Variants in ASIC2 observed in about 807,000 individuals in gnomAD.
ASIC2 encodes the protein acid-sensing ion channel 2.
In ASIC2, 25 loss-of-function variants were observed where a neutral mutation model predicts 57.3. The ratio of observed to expected loss-of-function variants is 0.44; its 90% CI spans 0.32 to 0.61. The LOEUF (loss-of-function observed/expected upper bound fraction) is 0.61, where lower values mean the gene tolerates loss of function less well. Among genes scored for constraint, ASIC2 ranks in the 20% least tolerant of loss-of-function variants. The pLI is 0.06. For missense variants in ASIC2, 641 were observed against 738.1 expected (o/e 0.87, Z 1.52); for synonymous variants, 319 against 307.5 (o/e 1.04, Z -0.39).
intron 1 of ASIC2, among the ~76,000 whole-genome samples, chr17:33,740,739 C>T (rs1242604551): frequency 5.3e-5 from 8 of 152,140 alleles, no homozygotes; most frequent in African/African-American, 1.7e-4. Context: ...CCAAGAACAC[C>T]TTTAAATTAA....
At chr17:34,037,931 A>T in intron 1 of ASIC2, 1 of 1,613,860 alleles carries the variant, frequency 6.2e-7, no homozygotes, top group Non-Finnish European at 8.5e-7. Flanking sequence ...CTGATAGAAG[A>T]TCACACCCAC....
At chr17:33,527,052 C>G (rs757910293) in intron 1 of ASIC2, among the ~76,000 whole-genome samples, 7 of 152,216 alleles carry the variant, frequency 4.6e-5, no homozygotes, top group Non-Finnish European at 8.8e-5. Flanking sequence ...GAGCCCCCAT[C>G]TGCTACCTGT....
At chr17:34,124,986 C>T (rs972092075) in intron 1 of ASIC2, among the ~76,000 whole-genome samples, 8 of 149,676 alleles carry the variant, frequency 5.3e-5, no homozygotes, top group African/African-American at 1.8e-4. Context: ...TCCTGTTCAC[C>T]CACACATCAG....
chr17:34,048,803 G>A (rs181613171), intron 1 of ASIC2, among the ~76,000 whole-genome samples: 82 of 152,284 alleles, frequency 5.4e-4, no homozygotes, highest in Admixed American at 2.9e-3. Flanking sequence ...TGGTGCTGTC[G>A]TGGGAACTAT....
intron 6 of ASIC2, 94 bp downstream of exon 6, chr17:33,023,767 C>A: frequency 6.5e-7 from 1 of 1,534,994 alleles, no homozygotes; most frequent in Non-Finnish European, 8.9e-7. Context: ...TAACTTGAAC[C>A]AAATGCTTAT....
chr17:33,170,826 A>G (rs375564864), intron 1 of ASIC2, among the ~76,000 whole-genome samples: 1 of 152,172 alleles, frequency 6.6e-6, no homozygotes, highest in Non-Finnish European at 1.5e-5. Context: ...TATTCACTCT[A>G]CTTTTGCTGG....
chr17:33,825,307 C>T (rs890606628), intron 1 of ASIC2, among the ~76,000 whole-genome samples: 5 of 152,072 alleles, frequency 3.3e-5, no homozygotes, highest in Non-Finnish European at 7.4e-5. Flanking sequence ...AAGACCAAAG[C>T]AATAGGGTGA....
intron 1 of ASIC2, among the ~76,000 whole-genome samples, chr17:33,447,131 TTCGTGAGTTTAG>T (rs1192005839): frequency 6.6e-6 from 1 of 152,214 alleles, no homozygotes; most frequent in Non-Finnish European, 1.5e-5. Flanking sequence ...TCTGCCTGCC[TTCGTGAGTTTAG>T]GTCCTGGTAC....
At chr17:33,888,395 A>G (rs960492195) in intron 1 of ASIC2, among the ~76,000 whole-genome samples, 2 of 152,144 alleles carry the variant, frequency 1.3e-5, no homozygotes, top group African/African-American at 2.4e-5. Flanking sequence ...CCTGAGCATC[A>G]TAAGATTCCA....
rs903941350 is a variant in ASIC2, at chr17:33,595,583, T to C, written c.556-483516A>G. ...TTGTCACATCTCCCAGGAAGTTCTA[T>C]TGTGTCACAGAGATGAGCATAGGCT... On this transcript the variant is annotated intron_variant, in intron 1 of 9. Coordinates refer to the ASIC2 transcript ENST00000359872. Among the ~76,000 whole-genome samples, 5 of 152,360 alleles carry C rather than the reference T, an allele frequency of 3.3e-5. No individual in the cohort carries two copies. The South Asian group carries it at 8.3e-4, about 25-fold the overall frequency.
intron 3 of ASIC2, among the ~76,000 whole-genome samples, chr17:33,051,406 T>C (rs1363081468): frequency 2.0e-5 from 3 of 152,160 alleles, no homozygotes; most frequent in Non-Finnish European, 4.4e-5. Context: ...TATGATCCCA[T>C]ACACTGCAAG....
chr17:33,262,386 A>G (rs1464090816), intron 1 of ASIC2, among the ~76,000 whole-genome samples: 2 of 150,478 alleles, frequency 1.3e-5, no homozygotes, highest in African/African-American at 4.9e-5. Context: ...AGGGAAGAAG[A>G]AAGGAAGAAA....
chr17:33,407,221 C>A (rs1910503793), intron 1 of ASIC2, among the ~76,000 whole-genome samples: 1 of 152,204 alleles, frequency 6.6e-6, no homozygotes, highest in Non-Finnish European at 1.5e-5. Context: ...AGAAAATCAT[C>A]TTGGAGAAAA....
At chr17:33,510,945 TAG>T (rs1261222560) in intron 1 of ASIC2, among the ~76,000 whole-genome samples, 3 of 152,232 alleles carry the variant, frequency 2.0e-5, no homozygotes, top group Admixed American at 6.5e-5. Context: ...AGTAAGGCCG[TAG>T]AGTCTGTTGT....
At chr17:33,392,031 C>T (rs1007539162) in intron 1 of ASIC2, among the ~76,000 whole-genome samples, 3 of 152,180 alleles carry the variant, frequency 2.0e-5, no homozygotes, top group Non-Finnish European at 4.4e-5. Flanking sequence ...TGTCTTATTT[C>T]TGTTTCTGTT....
chr17:34,069,544 G>A (rs1455867176), intron 1 of ASIC2: 1 of 152,168 alleles, frequency 6.6e-6, no homozygotes, highest in Non-Finnish European at 1.5e-5. Context: ...GAAGATGCAG[G>A]AACAGCCTCA....
chr17:33,726,814 T>C (rs1347635934), intron 1 of ASIC2, among the ~76,000 whole-genome samples: 1 of 152,204 alleles, frequency 6.6e-6, no homozygotes, highest in African/African-American at 2.4e-5. Flanking sequence ...GTTAAAATTA[T>C]TTGGAAAGGT....
chr17:33,656,894 GTGT>G (rs1799451129), intron 1 of ASIC2, among the ~76,000 whole-genome samples: 1 of 152,238 alleles, frequency 6.6e-6, no homozygotes, highest in African/African-American at 2.4e-5. Context: ...TCTTGTGAAG[GTGT>G]TGTTGGGAAA....
intron 1 of ASIC2, among the ~76,000 whole-genome samples, chr17:34,139,485 C>T (rs4795871): frequency 0.32 from 48,985 of 152,014 alleles, 8,770 homozygotes; most frequent in Middle Eastern, 0.45. Flanking sequence ...CTCAAATGCC[C>T]ACTAACTGAT....
Sources: allele counts gnomAD v4.1 joint callset (sites outside exome capture counted in the v4.1 genomes callset), GRCh38; gene constraint gnomAD v4.1.1; transcripts MANE v1.5; gene names NCBI Gene and HGNC (gene_info 2026-07-23, HGNC 2026-07-21).